SCAI: variants seen among roughly 807,000 people sequenced by gnomAD.
SCAI encodes the protein protein SCAI.
In SCAI, 24 loss-of-function variants were observed where a neutral mutation model predicts 92.2. That is an observed-to-expected ratio of 0.26 (90% confidence interval 0.19 to 0.37). The LOEUF (loss-of-function observed/expected upper bound fraction) is 0.37. Ranked by LOEUF, SCAI falls within the 10% of genes least tolerant of loss-of-function variation. The pLI, the probability that SCAI is intolerant of heterozygous loss-of-function variation, is 1.00. For synonymous variants in SCAI, 261 were observed against 258.6 expected (o/e 1.01, Z -0.09); for missense variants, 450 against 736.2 (o/e 0.61, Z 4.50).
chr9:125,096,908 A>G (rs1834568774), intron 2 of SCAI, among the ~76,000 whole-genome samples: 1 of 152,230 alleles, frequency 6.6e-6, no homozygotes, highest in South Asian at 2.1e-4. Context: ...CTATGACAGT[A>G]AAATATATAT....
At chr9:125,116,126 A>G (rs948883989) in intron 2 of SCAI, among the ~76,000 whole-genome samples, 1 of 152,168 alleles carries the variant, frequency 6.6e-6, no homozygotes, top group African/African-American at 2.4e-5. Context: ...CGGAGGTTGC[A>G]GTGAGCCGAG....
intron 17 of SCAI, among the ~76,000 whole-genome samples, chr9:124,954,111 G>T (rs1831277008): frequency 6.6e-6 from 1 of 152,170 alleles, no homozygotes; most frequent in African/African-American, 2.4e-5. Context: ...CAAGTGCTGG[G>T]ATTACAGGCG....
At chr9:125,114,605 C>CT (rs1032929101) in intron 2 of SCAI, among the ~76,000 whole-genome samples, 2 of 150,674 alleles carry the variant, frequency 1.3e-5, no homozygotes, top group Non-Finnish European at 3.0e-5. Flanking sequence ...CCTGAAGGAC[C>CT]TTTTTTTTTA....
chr9:125,128,691 T>G (rs1050774790), intron 2 of SCAI, among the ~76,000 whole-genome samples: 4 of 151,516 alleles, frequency 2.6e-5, no homozygotes, highest in Non-Finnish European at 5.9e-5. Flanking sequence ...AGGCAGAGCT[T>G]GCAGTGAGCC....
At chr9:124,969,712 G>A (rs1160592786) in intron 17 of SCAI, among the ~76,000 whole-genome samples, 1 of 152,196 alleles carries the variant, frequency 6.6e-6, no homozygotes, top group African/African-American at 2.4e-5. Context: ...TGATACAACC[G>A]CTTTGGAACA....
intron 14 of SCAI, among the ~76,000 whole-genome samples, chr9:124,979,398 G>A (rs1428777754): frequency 6.6e-6 from 1 of 151,508 alleles, no homozygotes; most frequent in Non-Finnish European, 1.5e-5. Context: ...AAATTAGCCG[G>A]GCATGGTGGC....
At chr9:124,958,230 A>C (rs1475467006) in intron 17 of SCAI, among the ~76,000 whole-genome samples, 3 of 152,220 alleles carry the variant, frequency 2.0e-5, no homozygotes, top group African/African-American at 7.2e-5. Context: ...TGGATGCTAA[A>C]ATTTATATAG....
intron 2 of SCAI, among the ~76,000 whole-genome samples, chr9:125,108,482 C>G (rs1167131130): frequency 6.6e-6 from 1 of 151,594 alleles, no homozygotes; most frequent in East Asian, 1.9e-4. Flanking sequence ...CTCTGCCCCG[C>G]CGCCCCGTCT....
intron 2 of SCAI, among the ~76,000 whole-genome samples, chr9:125,129,212 G>A (rs576346440): frequency 3.3e-5 from 5 of 151,096 alleles, no homozygotes; most frequent in South Asian, 4.2e-4. Context: ...AGGCTGAGGC[G>A]AGCCGATCAC....
intron 3 of SCAI, among the ~76,000 whole-genome samples, chr9:125,041,086 A>G (rs1028760451): frequency 6.6e-6 from 1 of 152,232 alleles, no homozygotes; most frequent in African/African-American, 2.4e-5. Flanking sequence ...TGGATAAGAA[A>G]GCAAAATATT....
chr9:125,027,482 G>A (rs1832985370), intron 5 of SCAI, among the ~76,000 whole-genome samples: 1 of 152,076 alleles, frequency 6.6e-6, no homozygotes, highest in African/African-American at 2.4e-5. Context: ...GTAGGAAATG[G>A]AAGAAGTTTT....
At chr9:125,043,573 G>C (rs1288127413) in intron 3 of SCAI, among the ~76,000 whole-genome samples, 1 of 152,152 alleles carries the variant, frequency 6.6e-6, no homozygotes, top group African/African-American at 2.4e-5. Context: ...CAATTCTCCT[G>C]CCTCAGCCTC....
chr9:125,013,408 G>A (rs1324458136), intron 9 of SCAI, among the ~76,000 whole-genome samples: 18 of 152,040 alleles, frequency 1.2e-4, no homozygotes, highest in African/African-American at 3.4e-4. Context: ...ACACCTCTAC[G>A]CAAATAAACT....
At chr9:125,140,346 GTT>G in intron 2 of SCAI, among the ~76,000 whole-genome samples, 1 of 152,118 alleles carries the variant, frequency 6.6e-6, no homozygotes, top group South Asian at 2.1e-4. Flanking sequence ...TGGCCAACAT[GTT>G]GAAACCCCGT....
chr9:125,033,247 T>C (rs1459859549), intron 3 of SCAI, among the ~76,000 whole-genome samples: 1 of 151,974 alleles, frequency 6.6e-6, no homozygotes, highest in Non-Finnish European at 1.5e-5. Context: ...AGGTACATAT[T>C]GGAAGGCTTG....
intron 2 of SCAI, among the ~76,000 whole-genome samples, chr9:125,106,126 T>TATAC: frequency 3.4e-5 from 2 of 59,270 alleles, no homozygotes; most frequent in Non-Finnish European, 5.8e-5. Context: ...AAAAAAAATA[T>TATAC]ATATATATAT....
chr9:124,944,547 G>C lies in SCAI; in HGVS notation c.*8260C>G, dbSNP rs1054651137. 1 of 137,734 alleles carries C rather than the reference G, an allele frequency of 7.3e-6. No individual in the cohort carries two copies. The highest frequency in any genetic ancestry group is 8.3e-5 in the Admixed American group (1 of 12,024). The allele number at this position is 137,734 out of a possible 1,614,324, so 8.5% of individuals were successfully genotyped here. The stretch of plus-strand genomic sequence containing the variant: ...TTGCCCAGACTGGTCTCCAACTCCT[G>C]AGTAATAAAAATTCTTATTGTGCTA... On this transcript the variant is annotated 3_prime_UTR_variant, in exon 18 of 18. Coordinates refer to ENST00000336505, the MANE Select transcript of SCAI (RefSeq NM_001144877.3).
chr9:125,135,971 C>CAAAA (rs1359728011), intron 2 of SCAI, among the ~76,000 whole-genome samples: 21 of 81,084 alleles, frequency 2.6e-4, no homozygotes, highest in East Asian at 1.6e-3. Context: ...CCATCTCAAA[C>CAAAA]AAAAAAAAAA....
At chr9:125,104,979 T>C (rs1834748136) in intron 2 of SCAI, among the ~76,000 whole-genome samples, 1 of 150,374 alleles carries the variant, frequency 6.7e-6, no homozygotes, top group Non-Finnish European at 1.5e-5. Flanking sequence ...AAAAAAAATT[T>C]AGTGTCAACA....
Sources: allele counts gnomAD v4.1 joint callset (sites outside exome capture counted in the v4.1 genomes callset), GRCh38; gene constraint gnomAD v4.1.1; transcripts MANE v1.5; gene names NCBI Gene and HGNC (gene_info 2026-07-23, HGNC 2026-07-21).